The following MIR2052HG variants were observed in gnomAD, a reference collection of about 807,000 sequenced individuals.
The protein encoded by MIR2052HG is MIR2052 host gene.
At chr8:74,619,585 A>AGGGTGGCAGGATGGAGTAAGTGCAAGCAG (rs1808332909) in intron 2 of MIR2052HG, among the ~76,000 whole-genome samples, 1 of 152,188 alleles carries the variant, frequency 6.6e-6, no homozygotes, top group Non-Finnish European at 1.5e-5. Flanking sequence ...CATTCTTCAC[A>AGGGTGGCAGGATGGAGTAAGTGCAAGCAG]GGGTGGCAGG....
chr8:74,646,448 T>G (rs1411280508), intron 2 of MIR2052HG, among the ~76,000 whole-genome samples: 1 of 152,174 alleles, frequency 6.6e-6, no homozygotes, highest in Non-Finnish European at 1.5e-5. Context: ...GATGCTCAGC[T>G]TTATGGTTTG....
intron 2 of MIR2052HG, among the ~76,000 whole-genome samples, chr8:74,662,030 G>T (rs941175500): frequency 3.9e-5 from 6 of 152,016 alleles, no homozygotes; most frequent in African/African-American, 1.5e-4. Flanking sequence ...AAATACACAG[G>T]TTAAAAATTT....
chr8:74,732,360 T>A (rs1368714971), intron 4 of MIR2052HG, among the ~76,000 whole-genome samples: 3 of 152,140 alleles, frequency 2.0e-5, no homozygotes, highest in South Asian at 4.1e-4. Flanking sequence ...CTGGAACCAA[T>A]CCCCATGGAT....
At chr8:74,632,052 T>C (rs1472740280) in intron 2 of MIR2052HG, among the ~76,000 whole-genome samples, 1 of 152,114 alleles carries the variant, frequency 6.6e-6, no homozygotes, top group East Asian at 1.9e-4. Context: ...TTATTTTACT[T>C]AGGAGTATAT....
intron 2 of MIR2052HG, among the ~76,000 whole-genome samples, chr8:74,696,054 G>T (rs1809292600): frequency 6.6e-6 from 1 of 151,998 alleles, no homozygotes; most frequent in Admixed American, 6.6e-5. Flanking sequence ...CATTCTCCAA[G>T]ATAAACCATA....
intron 2 of MIR2052HG, among the ~76,000 whole-genome samples, chr8:74,682,958 A>T (rs1279560971): frequency 1.3e-5 from 2 of 152,190 alleles, no homozygotes; most frequent in African/African-American, 4.8e-5. Flanking sequence ...ATATGATTGA[A>T]TCTGAGAAAT....
At chr8:74,657,800 G>T (rs575998375) in intron 2 of MIR2052HG, among the ~76,000 whole-genome samples, 16 of 152,070 alleles carry the variant, frequency 1.1e-4, no homozygotes, top group Non-Finnish European at 1.5e-5. Flanking sequence ...ACTTCCCACC[G>T]GGACTCTCCC....
chr8:74,663,672 A>G (rs1453210242), intron 2 of MIR2052HG, among the ~76,000 whole-genome samples: 1 of 152,262 alleles, frequency 6.6e-6, no homozygotes, highest in African/African-American at 2.4e-5. Context: ...ACAAAATTGC[A>G]GAATCTCAGG....
intron 4 of MIR2052HG, among the ~76,000 whole-genome samples, chr8:74,741,750 C>T (rs1434142344): frequency 3.9e-5 from 6 of 152,154 alleles, no homozygotes; most frequent in Non-Finnish European, 8.8e-5. Flanking sequence ...AGGCACGTCA[C>T]AGCCTCTTGC....
chr8:74,719,688 T>C (rs1445794031), intron 4 of MIR2052HG, among the ~76,000 whole-genome samples: 1 of 152,124 alleles, frequency 6.6e-6, no homozygotes, highest in Non-Finnish European at 1.5e-5. Context: ...TAGACTTGTG[T>C]GTTAAAGTCA....
chr8:74,727,057 G>T (rs1161867891), intron 4 of MIR2052HG, among the ~76,000 whole-genome samples: 1 of 152,136 alleles, frequency 6.6e-6, no homozygotes, highest in Non-Finnish European at 1.5e-5. Flanking sequence ...GAGTACCAAG[G>T]GAAGAAGAGA....
intron 4 of MIR2052HG, among the ~76,000 whole-genome samples, chr8:74,732,029 A>G (rs899478499): frequency 1.3e-5 from 2 of 152,294 alleles, no homozygotes; most frequent in Middle Eastern, 6.8e-3. Context: ...GCTGAATTAC[A>G]TGGTTTAAAG....
intron 2 of MIR2052HG, among the ~76,000 whole-genome samples, chr8:74,678,813 C>T (rs1809085426): frequency 6.6e-6 from 1 of 151,906 alleles, no homozygotes; most frequent in Admixed American, 6.6e-5. Flanking sequence ...ACATTCCAAT[C>T]TCATAGTTGA....
At chr8:74,666,028 CT>C (rs769373209) in intron 2 of MIR2052HG, among the ~76,000 whole-genome samples, 3 of 152,166 alleles carry the variant, frequency 2.0e-5, no homozygotes, top group Non-Finnish European at 2.9e-5. Context: ...ATTACCCAAT[CT>C]TGGGTATGCT....
At chr8:74,709,183 A>C (rs1809442200) in intron 4 of MIR2052HG, among the ~76,000 whole-genome samples, 1 of 152,162 alleles carries the variant, frequency 6.6e-6, no homozygotes, top group Non-Finnish European at 1.5e-5. Context: ...AGTTTCAGGG[A>C]ACTACTGGGA....
chr8:74,713,296 C>G (rs938457065), intron 4 of MIR2052HG, among the ~76,000 whole-genome samples: 1 of 152,144 alleles, frequency 6.6e-6, no homozygotes, highest in African/African-American at 2.4e-5. Flanking sequence ...CTCTTTTGAA[C>G]AATTTATGTG....
At chr8:74,600,111 A>G (rs1807970378) in intron 1 of MIR2052HG, among the ~76,000 whole-genome samples, 1 of 151,842 alleles carries the variant, frequency 6.6e-6, no homozygotes, top group South Asian at 2.1e-4. Context: ...ACAGCCACTG[A>G]CCTTCGCCCA....
chr8:74,664,801 A>G (rs1050261243), intron 2 of MIR2052HG, among the ~76,000 whole-genome samples: 1 of 152,208 alleles, frequency 6.6e-6, no homozygotes, highest in Non-Finnish European at 1.5e-5. Context: ...TACAGGCGTG[A>G]GCCACTGCAC....
At chr8:74,698,221 T>A (rs1304474) in intron 2 of MIR2052HG, among the ~76,000 whole-genome samples, 1 of 151,964 alleles carries the variant, frequency 6.6e-6, no homozygotes, top group Non-Finnish European at 1.5e-5. Context: ...ACAGCCAACT[T>A]ATCTTTAACA....
Sources: allele counts gnomAD v4.1 joint callset (sites outside exome capture counted in the v4.1 genomes callset), GRCh38; gene constraint gnomAD v4.1.1; transcripts MANE v1.5; gene names NCBI Gene and HGNC (gene_info 2026-07-23, HGNC 2026-07-21).